The following MED17 variants were observed in gnomAD, a reference collection of about 807,000 sequenced individuals.
MED17 encodes the protein mediator of RNA polymerase II transcription subunit 17.
A neutral mutation model predicts 80.8 loss-of-function variants in MED17; 49 were observed. The ratio of observed to expected loss-of-function variants is 0.61; its 90% CI spans 0.48 to 0.77. The LOEUF (loss-of-function observed/expected upper bound fraction) is 0.77. Ranked by LOEUF, MED17 falls within the 30% of genes least tolerant of loss-of-function variation. MED17 has a pLI of 0.00. For missense variants in MED17, 718 were observed against 787.0 expected (o/e 0.91, Z 1.05); for synonymous variants, 281 against 280.4 (o/e 1.00, Z -0.02).
chr11:93,793,756 T>G lies in MED17; in HGVS notation c.666T>G (p.Phe222Leu). Residue 222 changes from phenylalanine (F) to leucine (L), a missense_variant, in exon 4 of 12, where the codon TTT becomes TTG. Transcript: ENST00000251871. ...AGSLFPHHGT[F>L]EVIKNTDLDL... ...CTCTCTTTCCTCATCATGGTACATT[T>G]GAAGTAATAAAGAATACAGATCTCG... is the stretch of plus-strand genomic sequence containing the variant. The G allele has an allele frequency of 6.3e-7, 1 of 1,585,814 alleles. No homozygotes were observed. The highest frequency in any genetic ancestry group is 1.1e-5 in the South Asian group (1 of 90,436).
At chr11:93,793,362 C>A (rs897933515) in intron 3 of MED17, 2 of 232,052 alleles carry the variant, frequency 8.6e-6, no homozygotes, top group Non-Finnish European at 1.7e-5. Flanking sequence ...GGTGATCCAT[C>A]CGCCTCGTCC....
At position 93,784,333 on chromosome 11, in the gene MED17, A is replaced by C; in HGVS notation, c.-181A>C. On this transcript the variant is annotated 5_prime_UTR_variant, in exon 1 of 12. Coordinates refer to ENST00000251871, the MANE Select transcript of MED17 (RefSeq NM_004268.5). ...GAGGGAGCTTGCGGTGCGTTCTGGG[A>C]AAGTTGCTGGGCCAGCTCCTTTGTT... 1.3e-6 allele frequency: 1 copy of C among 787,766 alleles called. No homozygotes were observed. Among genetic ancestry groups the C allele is most frequent in the East Asian group, 2.8e-5 (1 of 35,380 alleles). The allele number at this position is 787,766 out of a possible 1,614,324, so 48.8% of individuals were successfully genotyped here.
In MED17 at chr11:93,788,118, A is replaced by C. The variant is rs1943788634; in HGVS notation, c.368A>C (p.Lys123Thr). The change falls in exon 2 of 12, where the codon AAA becomes ACA. Residue 123 changes from lysine to threonine, a missense_variant. Physicochemically the swap from Lys to Thr is moderately conservative, Grantham distance 78 (BLOSUM62 -1). Coordinates refer to ENST00000251871, the MANE Select transcript of MED17 (RefSeq NM_004268.5). ...YDVLSIVRDK[K>T]FMTLDPVSQD... The stretch of plus-strand genomic sequence containing the variant: ...GTTCTCAGTATTGTTAGGGATAAAA[A>C]ATTTATGACTCTTGATCCTGTCTCT... 1.9e-6 allele frequency: 3 copies of C among 1,613,638 alleles called. No homozygotes were observed. Among genetic ancestry groups the C allele is most frequent in the Non-Finnish European group, 2.5e-6 (3 of 1,179,720 alleles).
Position 93,790,880 on chromosome 11 carries a change from T to G in MED17, c.637+87T>G, listed in dbSNP as rs7108692. ...CTAGCACTTTGGAAGGCCAAGGCAG[T>G]TGGATCACTTGAGGCCAGGAGTTCA... On this transcript the variant is annotated intron_variant, in intron 3 of 11. Coordinates refer to ENST00000251871, the MANE Select transcript of MED17 (RefSeq NM_004268.5). The G allele has an allele frequency of 0.011, 13,246 of 1,159,582 alleles. 1,070 individuals are homozygous for G. In the African/African-American group the frequency reaches 0.18, roughly 15 times the overall value. The allele number at this position is 1,159,582 out of a possible 1,614,324, so 71.8% of individuals were successfully genotyped here.
Position 93,784,771 on chromosome 11 carries a change from C to T in MED17, c.250+8C>T, listed in dbSNP as rs2135707290. The T allele has an allele frequency of 1.3e-6, 2 of 1,536,108 alleles. No homozygotes were observed. The highest frequency in any genetic ancestry group is 8.7e-7 in the Non-Finnish European group (1 of 1,147,268). ...ACCAGGACGACGAGGAAGGTAAGGC[C>T]TGCATCCGCTGCCCGAGTCCCCCGG... On this transcript the variant is annotated splice_region_variant and intron_variant, in intron 1 of 11. Coordinates refer to ENST00000251871, the MANE Select transcript of MED17 (RefSeq NM_004268.5).
intron 1 of MED17, among the ~76,000 whole-genome samples, chr11:93,786,720 C>T (rs796153447): frequency 5.9e-5 from 9 of 152,212 alleles, no homozygotes; most frequent in Admixed American, 1.3e-4. Context: ...CACCCTGCCT[C>T]GGCCTCCCAA....
At position 93,797,734 on chromosome 11, in the gene MED17, A is replaced by G. The variant is rs1419500409; in HGVS notation, c.1328+15A>G. The G allele has an allele frequency of 1.9e-6, 3 of 1,602,212 alleles. No individual in the cohort carries two copies. Among genetic ancestry groups the G allele is most frequent in the South Asian group, 1.1e-5 (1 of 90,582 alleles). ...CTAAGGAGTAGGTAAGGTTGAAGAA[A>G]GTTACTGTTTTCTGTTTTTTCTTTG... On this transcript the variant is annotated intron_variant, in intron 8 of 11. Coordinates refer to ENST00000251871, the MANE Select transcript of MED17 (RefSeq NM_004268.5).
chr11:93,791,134 G>T (rs527812710), intron 3 of MED17, among the ~76,000 whole-genome samples: 2 of 152,258 alleles, frequency 1.3e-5, no homozygotes, highest in Non-Finnish European at 2.9e-5. Flanking sequence ...AATGCTTTCT[G>T]TGTAAGTATA....
rs369349413 is a variant in MED17 at position 93,793,851 on chromosome 11, C to T, written c.761C>T (p.Ser254Phe). Residue 254 changes from serine to phenylalanine, a missense_variant, in exon 4 of 12, where the codon TCT (serine) becomes TTT (phenylalanine). Ser to Phe is a radical substitution (Grantham distance 155). Coordinates refer to ENST00000251871, the MANE Select transcript of MED17 (RefSeq NM_004268.5). The part of the protein sequence containing the change: ...DVQIPSDLEG[S>F]AYIKVSIQKQ... Reference sequence around the variant, plus strand: ...CAAATTCCTAGTGATTTAGAGGGGTCTGCATATATCAAGGTATTTGTCAAA... The same window carrying T: ...CAAATTCCTAGTGATTTAGAGGGGTTTGCATATATCAAGGTATTTGTCAAA... 4.3e-5 allele frequency: 70 copies of T among 1,613,226 alleles called. No individual in the cohort carries two copies. The Admixed American group carries it at 1.1e-3, about 27-fold the overall frequency.
At chr11:93,802,598 T>G (rs1194388197) in intron 9 of MED17, among the ~76,000 whole-genome samples, 2 of 152,222 alleles carry the variant, frequency 1.3e-5, no homozygotes, top group African/African-American at 4.8e-5. Context: ...ATTCCAGGTC[T>G]GCTTCAGTTC....
chr11:93,796,819 C>T (rs115573457), intron 7 of MED17: 5 of 405,792 alleles, frequency 1.2e-5, no homozygotes, highest in African/African-American at 6.1e-5. Context: ...TGATTCTGAC[C>T]GGGGGAGTTA....
intron 11 of MED17, chr11:93,811,105 G>C (rs1430058329): frequency 2.6e-5 from 4 of 152,316 alleles, no homozygotes; most frequent in Admixed American, 2.6e-4. Context: ...TGAAAGAGTG[G>C]GTAGTTAGAA....
chr11:93,795,081 A>G (rs1313965754), intron 6 of MED17, 21 bp downstream of exon 6: 3 of 1,613,740 alleles, frequency 1.9e-6, no homozygotes, highest in Non-Finnish European at 2.5e-6. Context: ...CCCTTTTTCG[A>G]CTTTATGAAC....
At chr11:93,808,173 G>A (rs998068571) in intron 10 of MED17, 2 of 171,714 alleles carry the variant, frequency 1.2e-5, no homozygotes, top group African/African-American at 4.8e-5. Flanking sequence ...ATACCAGCCT[G>A]GGCAACATAG....
At chr11:93,805,665 A>G (rs1178307197) in intron 9 of MED17, among the ~76,000 whole-genome samples, 3 of 152,222 alleles carry the variant, frequency 2.0e-5, no homozygotes, top group African/African-American at 4.8e-5. Context: ...GCATTCACCA[A>G]TAGTGAGTGA....
chr11:93,808,911 C>A (rs1237468817), intron 10 of MED17: 1 of 153,142 alleles, frequency 6.5e-6, no homozygotes, highest in Non-Finnish European at 1.5e-5. Flanking sequence ...GCACTACTGC[C>A]TTCAGCACTG....
intron 9 of MED17, among the ~76,000 whole-genome samples, chr11:93,804,881 T>C (rs947342298): frequency 6.6e-6 from 1 of 152,248 alleles, no homozygotes; most frequent in African/African-American, 2.4e-5. Context: ...GCAGGTAGGC[T>C]TAATGATCAG....
rs1270839943 is a variant in MED17, at chr11:93,790,649, G to A, written c.493G>A (p.Glu165Lys). The A allele has an allele frequency of 6.2e-7, 1 of 1,614,222 alleles. No homozygotes were observed. Among genetic ancestry groups the A allele is most frequent in the Non-Finnish European group, 8.5e-7 (1 of 1,180,048 alleles). ...AGCACAAATCTTATTGAAGGGGGCA[G>A]AAAGACTGACTAAATCAGTTACCGA... is the stretch of plus-strand genomic sequence containing the variant. ...GAAQILLKGA[E>K]RLTKSVTENQ... The change falls in exon 3 of 12, where the codon GAA becomes AAA. Residue 165 changes from glutamate to lysine, a missense_variant. Physicochemically the swap from Glu to Lys is moderately conservative, Grantham distance 56 (BLOSUM62 1). Coordinates refer to ENST00000251871, the MANE Select transcript of MED17 (RefSeq NM_004268.5).
intron 8 of MED17, among the ~76,000 whole-genome samples, chr11:93,800,139 A>G (rs1943946807): frequency 6.6e-6 from 1 of 152,082 alleles, no homozygotes; most frequent in East Asian, 1.9e-4. Flanking sequence ...CTTCTATAGG[A>G]ATTATGAAGC....
Sources: gnomAD v4.1 joint callset for allele counts (sites outside exome capture counted in the v4.1 genomes callset) on GRCh38, gnomAD v4.1.1 for gene constraint, MANE v1.5 for transcripts, NCBI Gene and HGNC (gene_info 2026-07-23, HGNC 2026-07-21) for gene names.